The following WDR17 variants were observed in gnomAD, a reference collection of about 807,000 sequenced individuals.
The protein encoded by WDR17 is WD repeat domain 17.
A neutral mutation model predicts 161.7 loss-of-function variants in WDR17; 143 were observed. The ratio of observed to expected loss-of-function variants is 0.88; its 90% CI spans 0.77 to 1.02. The LOEUF (loss-of-function observed/expected upper bound fraction) is 1.02, where lower values mean the gene tolerates loss of function less well. WDR17 is among the 50% of genes least tolerant of loss of function. WDR17 has a pLI of 0.00. For missense variants in WDR17, 1,469 were observed against 1,520.9 expected, an observed-to-expected ratio of 0.97 and a Z score of 0.57; for synonymous variants, 517 against 515.6, an observed-to-expected ratio of 1.00 and a Z score of -0.04.
chr4:176,080,283 C>T (rs1230433218), intron 1 of WDR17, among the ~76,000 whole-genome samples: 1 of 151,142 alleles, frequency 6.6e-6, no homozygotes, highest in Non-Finnish European at 1.5e-5. Flanking sequence ...ATGAATTAGA[C>T]TCAAGATAAA....
At chr4:176,151,718 ATTAG>A in intron 16 of WDR17, 90 bp from the exon 17 acceptor site, 2 of 1,130,400 alleles carry the variant, frequency 1.8e-6, no homozygotes, top group Non-Finnish European at 2.5e-6. Flanking sequence ...ATTCCGCTCT[ATTAG>A]TTATTTCAAA....
At chr4:176,163,419 AT>A (rs1202964417) in intron 22 of WDR17, 126 bp downstream of exon 22, 2 of 1,084,944 alleles carry the variant, frequency 1.8e-6, no homozygotes, top group Non-Finnish European at 1.3e-6. Context: ...AAAGGATAAG[AT>A]TGTGGAAGGA....
At chr4:176,081,512 A>G (rs1322102077) in intron 1 of WDR17, among the ~76,000 whole-genome samples, 1 of 152,046 alleles carries the variant, frequency 6.6e-6, no homozygotes, top group Non-Finnish European at 1.5e-5. Context: ...TATAGCAGCT[A>G]TTGCATATTG....
At chr4:176,090,436 C>G (rs944780372) in intron 1 of WDR17, among the ~76,000 whole-genome samples, 1 of 151,944 alleles carries the variant, frequency 6.6e-6, no homozygotes, top group Non-Finnish European at 1.5e-5. Context: ...GAACCATGAG[C>G]CAAATAAAAC....
chr4:176,182,405 G>GTGTA lies in WDR17; in HGVS notation c.*2827_*2828insGTAT, dbSNP rs997632443. On this transcript the variant is annotated 3_prime_UTR_variant, in exon 29 of 29. Coordinates refer to ENST00000508596, the MANE Select transcript of WDR17 (RefSeq NM_181265.4). The surrounding 1 kb of genome is among the most constrained non-coding windows in gnomAD (Gnocchi z 4.2). ...AATATATATATGTGCGTGTGTGTGT[G>GTGTA]TATATATATATATATATATATATAT... The GTGTA allele has an allele frequency of 3.4e-5, 5 of 148,698 alleles. No homozygotes were observed. The highest frequency in any genetic ancestry group is 9.9e-5 in the African/African-American group (4 of 40,504). The allele number at this position is 148,698 out of a possible 1,614,324, so 9.2% of individuals were successfully genotyped here. A position where few individuals can be genotyped will look rare whatever the true frequency, so the allele number is the denominator to read the frequency against.
At chr4:176,074,361 A>T (rs1733668372) in intron 1 of WDR17, among the ~76,000 whole-genome samples, 1 of 103,266 alleles carries the variant, frequency 9.7e-6, no homozygotes, top group African/African-American at 3.1e-5. Flanking sequence ...TCCACAGATT[A>T]TCTTGAGAGA....
rs766430423 is a variant in WDR17, at chr4:176,119,850, T to C, written c.308-17T>C. 1.9e-6 allele frequency: 3 copies of C among 1,602,584 alleles called. No homozygotes were observed. The South Asian group carries it at 3.3e-5, about 18-fold the overall frequency. On this transcript the variant is annotated splice_polypyrimidine_tract_variant and intron_variant, in intron 3 of 28. Transcript: ENST00000508596. ...ATGCTGTATCTTTATTATGTATCTG[T>C]ATTTAATGTATTCCAGGGATCCCTG...
intron 23 of WDR17, among the ~76,000 whole-genome samples, chr4:176,170,200 GACA>G: frequency 6.6e-6 from 1 of 151,848 alleles, no homozygotes; most frequent in Admixed American, 6.6e-5. Context: ...TATCATTTAG[GACA>G]ACTTTAATAA....
intron 1 of WDR17, 114 bp from the exon 2 acceptor site, chr4:176,111,461 A>G: frequency 1.7e-6 from 2 of 1,148,914 alleles, no homozygotes; most frequent in Non-Finnish European, 1.2e-6. Flanking sequence ...TAATAGTACT[A>G]GTAAAATGTT....
At chr4:176,174,746 A>T in intron 26 of WDR17, 28 bp downstream of exon 26, 2 of 1,459,864 alleles carry the variant, frequency 1.4e-6, no homozygotes, top group South Asian at 2.4e-5. Flanking sequence ...CTCCATCATG[A>T]CATTAGAGCA....
chr4:176,113,749 G>C (rs1336442922), intron 2 of WDR17, among the ~76,000 whole-genome samples: 1 of 151,906 alleles, frequency 6.6e-6, no homozygotes, highest in African/African-American at 2.4e-5. Flanking sequence ...TGTAGTCAAA[G>C]TCTGATAATC....
intron 3 of WDR17, among the ~76,000 whole-genome samples, chr4:176,117,407 G>T (rs553460557): frequency 6.6e-6 from 1 of 151,976 alleles, no homozygotes; most frequent in South Asian, 2.1e-4. Context: ...TTTCCATATT[G>T]TATGTGCCAT....
At chr4:176,164,173 T>G (rs1041093812) in intron 22 of WDR17, among the ~76,000 whole-genome samples, 1 of 152,214 alleles carries the variant, frequency 6.6e-6, no homozygotes, top group Non-Finnish European at 1.5e-5. Flanking sequence ...AAGTACTTTA[T>G]ATGTAAAAAT....
chr4:176,094,952 G>A (rs1402533601), intron 1 of WDR17, among the ~76,000 whole-genome samples: 1 of 152,144 alleles, frequency 6.6e-6, no homozygotes, highest in Non-Finnish European at 1.5e-5. Flanking sequence ...AGATTATCAG[G>A]TAAAGGGCTG....
intron 1 of WDR17, among the ~76,000 whole-genome samples, chr4:176,069,031 A>G (rs1180159413): frequency 1.3e-5 from 2 of 152,210 alleles, no homozygotes; most frequent in African/African-American, 2.4e-5. Flanking sequence ...AATTAGAAAG[A>G]TTTGAAAAGT....
intron 1 of WDR17, among the ~76,000 whole-genome samples, chr4:176,092,813 G>A (rs1736300809): frequency 6.6e-6 from 1 of 152,142 alleles, no homozygotes; most frequent in African/African-American, 2.4e-5. Flanking sequence ...AGGGTGAGGT[G>A]GGTGGATCAC....
chr4:176,093,303 C>G (rs1020120445), intron 1 of WDR17, among the ~76,000 whole-genome samples: 7 of 151,954 alleles, frequency 4.6e-5, no homozygotes, highest in Admixed American at 6.6e-5. Flanking sequence ...ATCAAAATAC[C>G]AATGACATTC....
At chr4:176,102,900 T>C (rs1472162084) in intron 1 of WDR17, among the ~76,000 whole-genome samples, 3 of 152,180 alleles carry the variant, frequency 2.0e-5, no homozygotes, top group African/African-American at 7.2e-5. Flanking sequence ...CAAGTGAGCA[T>C]GTATCCCAGA....
chr4:176,108,075 A>T (rs1023116708), intron 1 of WDR17, among the ~76,000 whole-genome samples: 1 of 150,498 alleles, frequency 6.6e-6, no homozygotes, highest in South Asian at 2.1e-4. Flanking sequence ...GTCTCTTTCT[A>T]TCACCCAGGC....
Sources: gnomAD v4.1 joint callset for allele counts (sites outside exome capture counted in the v4.1 genomes callset) on GRCh38, gnomAD v4.1.1 for gene constraint, Gnocchi (gnomAD v3.1) non-coding constraint, MANE v1.5 for transcripts, NCBI Gene and HGNC (gene_info 2026-07-23, HGNC 2026-07-21) for gene names.